Variants in NXPE2 observed in about 807,000 individuals in gnomAD.
NXPE2 encodes the protein NXPE family member 2.
Under a neutral mutation model 34.4 loss-of-function variants are expected in NXPE2, and 34 were observed. The ratio of observed to expected loss-of-function variants is 0.99; its 90% CI spans 0.75 to 1.31. NXPE2 has a LOEUF of 1.31. Ranked by LOEUF, NXPE2 falls within the 40% of genes most tolerant of loss-of-function variation. NXPE2 has a pLI of 0.00. For synonymous variants in NXPE2, 235 were observed against 231.3 expected, an observed-to-expected ratio of 1.02 and a Z score of -0.15; for missense variants, 649 against 672.5, an observed-to-expected ratio of 0.97 and a Z score of 0.39.
At chr11:114,617,335 T>C in the NXPE2 span, among the ~76,000 whole-genome samples, 2 of 152,096 alleles carry the variant, frequency 1.3e-5, no homozygotes, top group Non-Finnish European at 2.9e-5. Flanking sequence ...TAACCACTCT[T>C]ACCTGGTGGA....
At chr11:114,696,106 A>G (rs1485301867) in intron 2 of NXPE2, among the ~76,000 whole-genome samples, 2 of 151,960 alleles carry the variant, frequency 1.3e-5, no homozygotes, top group Non-Finnish European at 1.5e-5. Context: ...GGATGCTGAG[A>G]CTGGCAGATC....
chr11:114,625,441 G>C, the NXPE2 span, among the ~76,000 whole-genome samples: 7 of 152,234 alleles, frequency 4.6e-5, no homozygotes, highest in East Asian at 7.7e-4. Flanking sequence ...TGGATAATAA[G>C]TATTGCCTCT....
At chr11:114,639,574 G>A in the NXPE2 span, among the ~76,000 whole-genome samples, 33 of 150,482 alleles carry the variant, frequency 2.2e-4, no homozygotes, top group African/African-American at 6.8e-4. Context: ...CAGGCCGGGA[G>A]CTGTAGACTG....
the NXPE2 span, chr11:114,583,140 G>T: frequency 1.8e-6 from 2 of 1,098,564 alleles, no homozygotes; most frequent in Middle Eastern, 2.1e-4. Flanking sequence ...TACTTATTGT[G>T]ATTTTGAATA....
upstream of NXPE2, among the ~76,000 whole-genome samples, chr11:114,676,663 TA>T (rs1337075483): frequency 2.0e-5 from 3 of 152,024 alleles, no homozygotes; most frequent in Non-Finnish European, 2.9e-5. Flanking sequence ...GATGGGAATG[TA>T]AATTAGTACA....
the NXPE2 span, among the ~76,000 whole-genome samples, chr11:114,543,558 C>T: frequency 4.0e-5 from 6 of 151,120 alleles, no homozygotes; most frequent in African/African-American, 9.7e-5. Context: ...TTAACAAAGC[C>T]AAATCACTGT....
At chr11:114,758,860 A>G in the NXPE2 span, among the ~76,000 whole-genome samples, 1,586 of 148,872 alleles carry the variant, frequency 0.011, 23 homozygotes, top group African/African-American at 0.036. Flanking sequence ...TATATAACAC[A>G]TTTAATATTT....
the NXPE2 span, among the ~76,000 whole-genome samples, chr11:114,512,326 CT>C: frequency 6.6e-6 from 1 of 152,162 alleles, no homozygotes; most frequent in Non-Finnish European, 1.5e-5. Flanking sequence ...CACTTTCCCC[CT>C]GTCTAATTCC....
the NXPE2 span, among the ~76,000 whole-genome samples, chr11:114,794,353 G>C: frequency 2.0e-5 from 3 of 152,200 alleles, no homozygotes; most frequent in Admixed American, 2.0e-4. Flanking sequence ...TCAAGATTCA[G>C]CTTAGTGTGG....
chr11:114,615,334 C>T, the NXPE2 span, among the ~76,000 whole-genome samples: 121 of 150,028 alleles, frequency 8.1e-4, no homozygotes, highest in African/African-American at 2.5e-3. Context: ...CATTACCCGC[C>T]GGATACTAAG....
the NXPE2 span, among the ~76,000 whole-genome samples, chr11:114,799,338 C>CTGGGAAAAGATAAGGT: frequency 2.0e-5 from 3 of 146,620 alleles, no homozygotes; most frequent in African/African-American, 7.6e-5. Context: ...GTTAAGACTG[C>CTGGGAAAAGATAAGGT]TGGGAAAAGA....
At chr11:114,805,726 C>G in the NXPE2 span, among the ~76,000 whole-genome samples, 1 of 152,318 alleles carries the variant, frequency 6.6e-6, no homozygotes, top group South Asian at 2.1e-4. Context: ...CCCACCACAG[C>G]TCAAGGAGGC....
chr11:114,530,435 A>G, the NXPE2 span: 1 of 1,614,238 alleles, frequency 6.2e-7, no homozygotes, highest in Non-Finnish European at 8.5e-7. Context: ...CCCTCCAGAG[A>G]GCCGACGCCC....
intron 2 of NXPE2, among the ~76,000 whole-genome samples, chr11:114,688,633 A>AT (rs1363296674): frequency 1.3e-5 from 2 of 152,128 alleles, no homozygotes; most frequent in African/African-American, 4.8e-5. Flanking sequence ...TTTCTCCTTG[A>AT]TTTTTTGGAA....
the NXPE2 span, among the ~76,000 whole-genome samples, chr11:114,484,524 G>A: frequency 1.3e-5 from 2 of 152,068 alleles, no homozygotes; most frequent in African/African-American, 4.8e-5. Flanking sequence ...GTGGCTTTTT[G>A]TAAGATTCTG....
the NXPE2 span, among the ~76,000 whole-genome samples, chr11:114,647,676 A>G: frequency 6.6e-6 from 1 of 151,324 alleles, no homozygotes; most frequent in Non-Finnish European, 1.5e-5. Context: ...CTTTCTCTCA[A>G]TCAGTATTTG....
the NXPE2 span, among the ~76,000 whole-genome samples, chr11:114,743,325 T>C: frequency 4.6e-5 from 7 of 152,142 alleles, no homozygotes; most frequent in Non-Finnish European, 8.8e-5. Flanking sequence ...GCATGTTATG[T>C]TGCATGTAAT....
the NXPE2 span, among the ~76,000 whole-genome samples, chr11:114,472,657 G>T: frequency 1.3e-5 from 2 of 152,138 alleles, no homozygotes; most frequent in African/African-American, 4.8e-5. Flanking sequence ...GTCAGACTTG[G>T]TGTCTGGCAG....
the NXPE2 span, among the ~76,000 whole-genome samples, chr11:114,797,394 C>G: frequency 4.6e-5 from 7 of 152,304 alleles, no homozygotes; most frequent in East Asian, 1.2e-3. Context: ...TCTATTTTCT[C>G]TCCTTCTGGG....
Sources: allele counts gnomAD v4.1 joint callset (sites outside exome capture counted in the v4.1 genomes callset), GRCh38; gene constraint gnomAD v4.1.1; transcripts MANE v1.5; gene names NCBI Gene and HGNC (gene_info 2026-07-23, HGNC 2026-07-21).